SLC28A3: variants seen among roughly 807,000 people sequenced by gnomAD.
SLC28A3 encodes the protein concentrative Na(+)-nucleoside cotransporter 3.
A neutral mutation model predicts 84.2 loss-of-function variants in SLC28A3; 68 were observed. The ratio of observed to expected loss-of-function variants is 0.81; its 90% CI spans 0.66 to 0.99. The LOEUF is 0.99. Among genes scored for constraint, SLC28A3 ranks in the 50% least tolerant of loss-of-function variants. The pLI is 0.00. For synonymous variants in SLC28A3, 267 were observed against 303.6 expected, an observed-to-expected ratio of 0.88 and a Z score of 1.25; for missense variants, 712 against 841.5, an observed-to-expected ratio of 0.85 and a Z score of 1.90.
intron 11 of SLC28A3, chr9:84,289,790 A>G: frequency 6.1e-6 from 1 of 164,756 alleles, no homozygotes; most frequent in East Asian, 1.7e-4. Flanking sequence ...CAAAAACAGG[A>G]GCAATTGGGA....
At chr9:84,323,549 A>C (rs1266978947) in intron 1 of SLC28A3, among the ~76,000 whole-genome samples, 1 of 150,770 alleles carries the variant, frequency 6.6e-6, no homozygotes, top group Admixed American at 6.6e-5. Context: ...CTCAGCCTCC[A>C]GAGTAGCTGG....
At chr9:84,340,224 C>T (rs1827110656) in intron 1 of SLC28A3, among the ~76,000 whole-genome samples, 2 of 152,184 alleles carry the variant, frequency 1.3e-5, no homozygotes, top group African/African-American at 4.8e-5. Flanking sequence ...GACACTACCC[C>T]AGCCAGGATC....
intron 9 of SLC28A3, among the ~76,000 whole-genome samples, chr9:84,293,595 C>G (rs893722735): frequency 1.3e-5 from 2 of 152,204 alleles, no homozygotes; most frequent in Non-Finnish European, 2.9e-5. Context: ...GCTGACGGAG[C>G]TCCTTGTCCT....
At chr9:84,339,260 A>T (rs373810515) in intron 1 of SLC28A3, among the ~76,000 whole-genome samples, 33 of 151,748 alleles carry the variant, frequency 2.2e-4, no homozygotes, top group African/African-American at 4.6e-4. Context: ...TATTATTATT[A>T]TTTTTTTGAG....
At chr9:84,336,421 T>A (rs966996746) in intron 1 of SLC28A3, among the ~76,000 whole-genome samples, 6 of 152,220 alleles carry the variant, frequency 3.9e-5, no homozygotes, top group African/African-American at 1.4e-4. Context: ...GGAGAATTGC[T>A]TGAACCCAGG....
chr9:84,358,223 G>A, the SLC28A3 span, among the ~76,000 whole-genome samples: 1 of 152,176 alleles, frequency 6.6e-6, no homozygotes, highest in Non-Finnish European at 1.5e-5. Flanking sequence ...TCTATTAGGG[G>A]CTTCCATACA....
rs142065092 is a variant in SLC28A3 at position 84,285,464 on chromosome 9, G to C, written c.1528C>G (p.Leu510Val). ...EWQDSFMVAR[L>V]IGYKTFFNEF... ...TTGAAGAAGGTCTTATAACCTATGA[G>C]TCTGGCAACCATAAAGCTGTCCTGC... Residue 510 changes from leucine to valine, a missense_variant, in exon 14 of 18, where the codon CTC (leucine) becomes GTC (valine). Transcript: ENST00000376238. 2.3e-4 allele frequency: 371 copies of C among 1,614,156 alleles called. No individual in the cohort carries two copies. In the African/African-American group the frequency reaches 4.6e-3, roughly 20 times the overall value.
At chr9:84,365,059 A>G in the SLC28A3 span, among the ~76,000 whole-genome samples, 1 of 152,340 alleles carries the variant, frequency 6.6e-6, no homozygotes, top group South Asian at 2.1e-4. Context: ...GCTGGATCAT[A>G]TAGTTGCTCT....
chr9:84,343,057 G>T (rs1283957887), upstream of SLC28A3, among the ~76,000 whole-genome samples: 1 of 152,104 alleles, frequency 6.6e-6, no homozygotes, highest in Non-Finnish European at 1.5e-5. Flanking sequence ...CAGCTACTTG[G>T]GAGGCTGTGG....
At chr9:84,305,202 G>GAGA in intron 4 of SLC28A3, 52 bp downstream of exon 4, 1 of 1,165,530 alleles carries the variant, frequency 8.6e-7, no homozygotes, top group Non-Finnish European at 1.2e-6. Flanking sequence ...GGGAATCCCT[G>GAGA]AAAAAAAAAA....
At position 84,275,896 on chromosome 9, in the gene SLC28A3, C is replaced by T. The variant is rs1824512574; in HGVS notation, c.*2322G>A. ...TATAAAGAAATGTCACACGTACACA[C>T]AGAAAGGTCATATCAAAGCAGGTAA... On this transcript the variant is annotated 3_prime_UTR_variant, in exon 18 of 18. Transcript: ENST00000376238. 1 of 152,170 alleles carries T rather than the reference C, an allele frequency of 6.6e-6. No homozygotes were observed. Among genetic ancestry groups the T allele is most frequent in the Admixed American group, 6.5e-5 (1 of 15,278 alleles). 9.4% of individuals were successfully genotyped at this position (152,170 alleles called of 1,614,324 possible). A position where few individuals can be genotyped will look rare whatever the true frequency, so the allele number is the denominator to read the frequency against.
intron 1 of SLC28A3, among the ~76,000 whole-genome samples, chr9:84,317,002 AAACAACAACAACAAC>A (rs56145118): frequency 2.0e-5 from 3 of 150,158 alleles, no homozygotes; most frequent in African/African-American, 7.4e-5. Flanking sequence ...CTCCGTCTCA[AAACAACAACAACAAC>A]AACAACAACA....
upstream of SLC28A3, among the ~76,000 whole-genome samples, chr9:84,342,449 T>A (rs74620792): frequency 1.0e-3 from 156 of 152,220 alleles, 1 homozygote; most frequent in East Asian, 0.029. Flanking sequence ...TGTGTGTGTG[T>A]GTTCTGTTGC....
At chr9:84,309,157 G>C (rs1825895891) in intron 3 of SLC28A3, among the ~76,000 whole-genome samples, 1 of 152,124 alleles carries the variant, frequency 6.6e-6, no homozygotes, top group African/African-American at 2.4e-5. Flanking sequence ...AATTTTTCTG[G>C]AAGGGGTGTT....
At chr9:84,290,970 G>A (rs1392817826) in intron 10 of SLC28A3, among the ~76,000 whole-genome samples, 2 of 152,190 alleles carry the variant, frequency 1.3e-5, no homozygotes, top group Non-Finnish European at 2.9e-5. Flanking sequence ...TAGTTGTAAA[G>A]GCTTGAATCC....
chr9:84,326,694 C>A (rs1027613451), intron 1 of SLC28A3, among the ~76,000 whole-genome samples: 1 of 151,704 alleles, frequency 6.6e-6, no homozygotes, highest in East Asian at 1.9e-4. Context: ...CCAGGTCTTA[C>A]TCTCTGTTCA....
upstream of SLC28A3, among the ~76,000 whole-genome samples, chr9:84,342,421 C>T (rs182534954): frequency 7.2e-6 from 1 of 139,540 alleles, no homozygotes; most frequent in East Asian, 2.1e-4. Flanking sequence ...GTAGCAGTTA[C>T]AAGTAGATTC....
chr9:84,323,697 A>G (rs1414892120), intron 1 of SLC28A3, among the ~76,000 whole-genome samples: 1 of 152,102 alleles, frequency 6.6e-6, no homozygotes, highest in African/African-American at 2.4e-5. Context: ...TGCTGGGATT[A>G]CAGGCATGAG....
intron 1 of SLC28A3, among the ~76,000 whole-genome samples, chr9:84,336,093 GT>G (rs5898854): frequency 0.82 from 124,426 of 151,650 alleles, 51,080 homozygotes; most frequent in South Asian, 0.87. Context: ...GCCTGGTGCA[GT>G]TGGCTCACAC....
Sources: allele counts gnomAD v4.1 joint callset (sites outside exome capture counted in the v4.1 genomes callset), GRCh38; gene constraint gnomAD v4.1.1; transcripts MANE v1.5; gene names NCBI Gene and HGNC (gene_info 2026-07-23, HGNC 2026-07-21).